The following PTPRM variants were observed in gnomAD, a reference collection of about 807,000 sequenced individuals.
PTPRM encodes protein tyrosine phosphatase receptor type M, also known as receptor-type tyrosine-protein phosphatase mu.
In PTPRM, 47 loss-of-function variants were observed where a neutral mutation model predicts 186.7. The observed-to-expected ratio is 0.25, with a 90% CI of 0.20 to 0.32. PTPRM has a LOEUF of 0.32. Ranked by LOEUF, PTPRM falls within the 10% of genes least tolerant of loss-of-function variation. The pLI is 1.00. For synonymous variants in PTPRM, 668 were observed against 674.9 expected (o/e 0.99, Z 0.16); for missense variants, 1,494 against 1,865.0 (o/e 0.80, Z 3.66).
At chr18:7,849,818 C>T in intron 2 of PTPRM, among the ~76,000 whole-genome samples, 1 of 152,140 alleles carries the variant, frequency 6.6e-6, no homozygotes, top group Middle Eastern at 3.2e-3. Flanking sequence ...AAGTGAGCAA[C>T]TCCAGAAAAA....
At chr18:7,630,633 A>G (rs150012051) in intron 1 of PTPRM, among the ~76,000 whole-genome samples, 14 of 152,170 alleles carry the variant, frequency 9.2e-5, no homozygotes, top group African/African-American at 3.4e-4. Flanking sequence ...AAAGTGGGGG[A>G]ATTAAAGAAA....
rs116466106 is a variant in PTPRM at position 7,567,502 on chromosome 18, G to T, written c.-317G>T. On this transcript the variant is annotated 5_prime_UTR_variant, in exon 1 of 33. Coordinates refer to ENST00000580170, the MANE Select transcript of PTPRM (RefSeq NM_001105244.2). The surrounding 1 kb of genome is among the most constrained non-coding windows in gnomAD (Gnocchi z 4.3). ...GTCCCGGGTCCCGGGCAGGGGAAGGGGAGAGGCGGCGAGCTCAGCAACCGG... is the reference window on the plus strand; with the variant it reads ...GTCCCGGGTCCCGGGCAGGGGAAGGTGAGAGGCGGCGAGCTCAGCAACCGG... 1 of 252,044 alleles carries T rather than the reference G, an allele frequency of 4.0e-6. No homozygotes were observed. Among genetic ancestry groups the T allele is most frequent in the Non-Finnish European group, 7.4e-6 (1 of 134,266 alleles). 15.6% of individuals were successfully genotyped at this position (252,044 alleles called of 1,614,324 possible).
At chr18:8,259,680 G>A (rs1034052730) in intron 19 of PTPRM, among the ~76,000 whole-genome samples, 5 of 151,454 alleles carry the variant, frequency 3.3e-5, no homozygotes, top group Admixed American at 6.6e-5. Flanking sequence ...GTCTCACTCT[G>A]TGGCCCACCC....
chr18:8,240,956 G>A (rs1469333511), intron 14 of PTPRM, among the ~76,000 whole-genome samples: 1 of 152,228 alleles, frequency 6.6e-6, no homozygotes, highest in African/African-American at 2.4e-5. Flanking sequence ...CAACAGCTTT[G>A]TGTAAAGCAT....
At chr18:8,239,497 A>T (rs1176164838) in intron 14 of PTPRM, among the ~76,000 whole-genome samples, 1 of 150,906 alleles carries the variant, frequency 6.6e-6, no homozygotes, top group African/African-American at 2.5e-5. Context: ...CCCCCTTAAA[A>T]CTAATTCCCC....
At chr18:7,589,545 C>T (rs2037069066) in intron 1 of PTPRM, among the ~76,000 whole-genome samples, 1 of 152,072 alleles carries the variant, frequency 6.6e-6, no homozygotes, top group Non-Finnish European at 1.5e-5. Flanking sequence ...GTGACATCCT[C>T]CCCTGCAACT....
At chr18:7,888,753 T>A (rs2048911953) in intron 3 of PTPRM, among the ~76,000 whole-genome samples, 1 of 151,990 alleles carries the variant, frequency 6.6e-6, no homozygotes, top group African/African-American at 2.4e-5. Flanking sequence ...GTGGACTGGA[T>A]TAAAAAAAAC....
At chr18:7,772,441 T>G (rs2042363637) in intron 1 of PTPRM, among the ~76,000 whole-genome samples, 1 of 122,310 alleles carries the variant, frequency 8.2e-6, no homozygotes. Context: ...CCCCTTCCCC[T>G]TCCCCTTCCT....
intron 2 of PTPRM, among the ~76,000 whole-genome samples, chr18:7,815,918 A>G (rs2044797268): frequency 6.6e-6 from 1 of 152,214 alleles, no homozygotes. Context: ...TGTAGTGAAC[A>G]CAAGATCCAC....
At chr18:7,718,363 A>G (rs904047294) in intron 1 of PTPRM, among the ~76,000 whole-genome samples, 1 of 152,218 alleles carries the variant, frequency 6.6e-6, no homozygotes, top group Non-Finnish European at 1.5e-5. Flanking sequence ...AGCCACATGT[A>G]GAAGAATGAA....
Position 7,797,508 on chromosome 18 carries a change from C to T in PTPRM, c.196+23237C>T, listed in dbSNP as rs555312795. Among the ~76,000 whole-genome samples the T allele has an allele frequency of 8.2e-4, 125 of 152,348 alleles. 2 individuals carry two copies. In the South Asian group the frequency reaches 0.024, roughly 29 times the overall value. ...TGTGTAACGTTGCAGTGATCTTCAACATTGCAGTTGAAGATGACAATGTTG... is the reference window on the plus strand; with the variant it reads ...TGTGTAACGTTGCAGTGATCTTCAATATTGCAGTTGAAGATGACAATGTTG... On this transcript the variant is annotated intron_variant, in intron 2 of 32. Coordinates refer to ENST00000580170, the MANE Select transcript of PTPRM (RefSeq NM_001105244.2).
intron 23 of PTPRM, among the ~76,000 whole-genome samples, chr18:8,351,967 A>G (rs1249294977): frequency 1.3e-5 from 2 of 152,170 alleles, no homozygotes; most frequent in East Asian, 3.8e-4. Flanking sequence ...CCCCTCTGTA[A>G]AAAGTTCAAC....
At chr18:8,084,680 A>C (rs570472491) in intron 9 of PTPRM, among the ~76,000 whole-genome samples, 2 of 152,306 alleles carry the variant, frequency 1.3e-5, no homozygotes, top group South Asian at 2.1e-4. Flanking sequence ...CCTATTTAAA[A>C]GCAAGAAAAG....
chr18:7,986,553 G>A (rs1013018119), intron 7 of PTPRM, among the ~76,000 whole-genome samples: 17 of 152,198 alleles, frequency 1.1e-4, no homozygotes, highest in Admixed American at 9.8e-4. Context: ...CCCAGCCAAG[G>A]CCGGTGAATG....
At chr18:7,635,714 A>G (rs181519447) in intron 1 of PTPRM, among the ~76,000 whole-genome samples, 31 of 152,386 alleles carry the variant, frequency 2.0e-4, no homozygotes, top group Admixed American at 2.0e-3. Flanking sequence ...ACTTCTGAGC[A>G]TAGACAAGTT....
chr18:8,171,307 G>A (rs888960028), intron 14 of PTPRM, among the ~76,000 whole-genome samples: 18 of 152,226 alleles, frequency 1.2e-4, no homozygotes, highest in African/African-American at 4.1e-4. Context: ...CAAATGGGCT[G>A]TGTGGCATGC....
chr18:8,392,562 G>C (rs2095821009), intron 31 of PTPRM, among the ~76,000 whole-genome samples: 1 of 151,984 alleles, frequency 6.6e-6, no homozygotes, highest in Admixed American at 6.6e-5. Context: ...AGGAGGCAGA[G>C]CTTGCAGTGA....
At chr18:7,901,922 C>T (rs1291899954) in intron 3 of PTPRM, among the ~76,000 whole-genome samples, 4 of 152,160 alleles carry the variant, frequency 2.6e-5, no homozygotes, top group Non-Finnish European at 5.9e-5. Flanking sequence ...GTACTCAAGT[C>T]CCTTAACAAG....
intron 1 of PTPRM, among the ~76,000 whole-genome samples, chr18:7,589,231 C>T (rs1321521902): frequency 1.3e-5 from 2 of 152,188 alleles, no homozygotes; most frequent in African/African-American, 4.8e-5. Context: ...TTGAAAGCTT[C>T]CTTGAAAGCA....
Sources: allele counts gnomAD v4.1 joint callset (sites outside exome capture counted in the v4.1 genomes callset), GRCh38; gene constraint gnomAD v4.1.1; non-coding constraint Gnocchi (gnomAD v3.1); transcripts MANE v1.5; gene names NCBI Gene and HGNC (gene_info 2026-07-23, HGNC 2026-07-21).